Variants in PLOD1 observed in about 807,000 individuals in gnomAD.
PLOD1 encodes procollagen-lysine,2-oxoglutarate 5-dioxygenase 1.
A neutral mutation model predicts 94.7 loss-of-function variants in PLOD1; 70 were observed. The observed-to-expected ratio is 0.74, with a 90% CI of 0.61 to 0.90. PLOD1 has a LOEUF of 0.90. PLOD1 is among the 40% of genes least tolerant of loss of function. The pLI, the probability that PLOD1 is intolerant of heterozygous loss-of-function variation, is 0.00. For synonymous variants in PLOD1, 417 were observed against 400.2 expected, an observed-to-expected ratio of 1.04 and a Z score of -0.50; for missense variants, 905 against 972.7, an observed-to-expected ratio of 0.93 and a Z score of 0.93.
intron 1 of PLOD1, among the ~76,000 whole-genome samples, chr1:11,935,561 G>A (rs945045107): frequency 1.3e-5 from 2 of 150,674 alleles, no homozygotes; most frequent in South Asian, 2.1e-4. Flanking sequence ...TTGCTCTGTC[G>A]CCCAGGCTGG....
Position 11,966,315 on chromosome 1 carries a change from C to G in PLOD1, c.1649C>G (p.Thr550Arg). The change falls in exon 15 of 19, where the codon ACG becomes AGG. Residue 550 changes from threonine (T) to arginine (R), a missense_variant and splice_region_variant. Thr to Arg is a moderately conservative substitution (Grantham distance 71). Transcript: ENST00000196061. ...GCCCTGGCAGGGAAGCTGGTGGAGA[C>G]GGTAAGGGCCATGGACACCCTCTTG... ...TKALAGKLVE[T>R]PCPDVYWFPI... The G allele has an allele frequency of 1.9e-6, 3 of 1,601,750 alleles. No homozygotes were observed. The highest frequency in any genetic ancestry group is 2.2e-5 in the South Asian group (2 of 89,382).
chr1:11,964,162 T>C lies in PLOD1; in HGVS notation c.1203-13T>C, dbSNP rs769083669. 1 of 1,613,556 alleles carries C rather than the reference T, an allele frequency of 6.2e-7. No individual in the cohort carries two copies. Among genetic ancestry groups the C allele is most frequent in the Non-Finnish European group, 8.5e-7 (1 of 1,179,732 alleles). Reference sequence around the variant, plus strand: ...GGGCAGCGACCTCCTACTGAGGTGCTCCCTTCCCTCAGGAACGTCATTGCC... The same window carrying C: ...GGGCAGCGACCTCCTACTGAGGTGCCCCCTTCCCTCAGGAACGTCATTGCC... On this transcript the variant is annotated splice_polypyrimidine_tract_variant and intron_variant, in intron 11 of 18. Transcript: ENST00000196061.
At position 11,970,576 on chromosome 1, in the gene PLOD1, T is replaced by A. The variant is rs572694846; in HGVS notation, c.1756-94T>A. 103 of 1,151,008 alleles carry A rather than the reference T, an allele frequency of 8.9e-5. No homozygotes were observed. In the Admixed American group the frequency reaches 1.5e-3, roughly 17 times the overall value. 71.3% of individuals were successfully genotyped at this position (1,151,008 alleles called of 1,614,324 possible). ...TGTTCAGTTTTGTCATGTAATGTGG[T>A]CCGGTCACATTCCCGGGTGTAGGAG... On this transcript the variant is annotated intron_variant, in intron 16 of 18. Coordinates refer to ENST00000196061, the MANE Select transcript of PLOD1 (RefSeq NM_000302.4).
intron 1 of PLOD1, among the ~76,000 whole-genome samples, chr1:11,945,499 C>A (rs1645646993): frequency 6.6e-6 from 1 of 151,804 alleles, no homozygotes; most frequent in Admixed American, 6.6e-5. Flanking sequence ...ATGGGAGGTC[C>A]CTTGCATGGG....
intron 1 of PLOD1, among the ~76,000 whole-genome samples, chr1:11,936,353 G>A (rs532188864): frequency 5.9e-5 from 9 of 151,402 alleles, no homozygotes; most frequent in African/African-American, 9.7e-5. Flanking sequence ...GGGCTGTCCC[G>A]AGAAGGGCAT....
intron 1 of PLOD1, among the ~76,000 whole-genome samples, chr1:11,937,500 G>C (rs1257446013): frequency 6.6e-6 from 1 of 152,192 alleles, no homozygotes; most frequent in African/African-American, 2.4e-5. Flanking sequence ...CCCCTCACTG[G>C]CCAGGAGCCC....
rs1645751599 is a variant in PLOD1 at position 11,958,017 on chromosome 1, C to G, written c.843+74C>G. ...CCCTGAGATGGCGAGATGGGTGATT[C>G]TGGAATAGACTCCATTGTCTTTGGT... is the stretch of plus-strand genomic sequence containing the variant. On this transcript the variant is annotated intron_variant, in intron 8 of 18. Transcript: ENST00000196061. This position sits in a 1 kb window ranked among gnomAD's most constrained non-coding sequence, Gnocchi z 4.3. 2.1e-6 allele frequency: 2 copies of G among 949,470 alleles called. No homozygotes were observed. The highest frequency in any genetic ancestry group is 3.4e-5 in the Admixed American group (2 of 58,276). The allele number at this position is 949,470 out of a possible 1,614,324, so 58.8% of individuals were successfully genotyped here. A position where few individuals can be genotyped will look rare whatever the true frequency, so the allele number is the denominator to read the frequency against.
At position 11,972,641 on chromosome 1, in the gene PLOD1, C is replaced by T. The variant is rs1214759414; in HGVS notation, c.1903-231C>T. On this transcript the variant is annotated intron_variant, in intron 17 of 18. Transcript: ENST00000196061. The surrounding 1 kb of genome is among the most constrained non-coding windows in gnomAD (Gnocchi z 4.6). ...TCCCTCCCTTCCTTTCTTCCTTCCCCTCTGTTCTCTTCCTTCCCTCCCTCT... is the reference window on the plus strand; with the variant it reads ...TCCCTCCCTTCCTTTCTTCCTTCCCTTCTGTTCTCTTCCTTCCCTCCCTCT... 2.0e-6 allele frequency: 1 copy of T among 509,914 alleles called. No individual in the cohort carries two copies. The highest frequency in any genetic ancestry group is 3.6e-6 in the Non-Finnish European group (1 of 278,626). 31.6% of individuals were successfully genotyped at this position (509,914 alleles called of 1,614,324 possible). A position where few individuals can be genotyped will look rare whatever the true frequency, so the allele number is the denominator to read the frequency against.
intron 1 of PLOD1, among the ~76,000 whole-genome samples, chr1:11,939,624 T>A (rs1270167650): frequency 2.0e-5 from 3 of 152,130 alleles, no homozygotes; most frequent in African/African-American, 7.2e-5. Flanking sequence ...TTCTTTTTCT[T>A]TTTTTGAGAT....
Position 11,957,927 on chromosome 1 carries a change from G to C in PLOD1, c.827G>C (p.Ser276Thr). Residue 276 changes from serine (S) to threonine (T), a missense_variant, in exon 8 of 19, where the codon AGC becomes ACC. Transcript: ENST00000196061. The surrounding 1 kb of genome is among the most constrained non-coding windows in gnomAD (Gnocchi z 4.1). ...GCTVCDEGLRSLKGIGDEALP... is the reference protein window; with the variant it reads ...GCTVCDEGLRTLKGIGDEALP... ...ACCGTGTGTGACGAAGGCTTGCGCA[G>C]CCTCAAGGGCATTGGGGTGAGGCTG... 1.9e-6 allele frequency: 3 copies of C among 1,612,834 alleles called. No individual in the cohort carries two copies. Among genetic ancestry groups the C allele is most frequent in the Non-Finnish European group, 2.5e-6 (3 of 1,178,826 alleles).
intron 1 of PLOD1, among the ~76,000 whole-genome samples, chr1:11,939,950 G>A (rs1293792114): frequency 6.6e-6 from 1 of 151,990 alleles, no homozygotes; most frequent in Non-Finnish European, 1.5e-5. Context: ...TTTTTGTACA[G>A]ACAGGGTCTC....
intron 9 of PLOD1, among the ~76,000 whole-genome samples, chr1:11,959,350 T>C (rs1645762059): frequency 6.6e-6 from 1 of 152,140 alleles, no homozygotes; most frequent in Non-Finnish European, 1.5e-5. Context: ...ATCTAGTTGC[T>C]TCTAACTGTT....
At chr1:11,964,872 G>A (rs1004224805) in intron 13 of PLOD1, 87 bp downstream of exon 13, 27 of 1,407,428 alleles carry the variant, frequency 1.9e-5, no homozygotes, top group Non-Finnish European at 2.6e-5. Flanking sequence ...ATGGTGGGCC[G>A]CCTTGTCACC....
At chr1:11,962,009 A>G (rs1032188940) in intron 10 of PLOD1, among the ~76,000 whole-genome samples, 1 of 152,092 alleles carries the variant, frequency 6.6e-6, no homozygotes, top group Non-Finnish European at 1.5e-5. Flanking sequence ...GGCCTGTCTC[A>G]AGCTCCCGAA....
chr1:11,944,696 T>C (rs1323287632), intron 1 of PLOD1: 1 of 1,284,910 alleles, frequency 7.8e-7, no homozygotes, highest in Non-Finnish European at 1.0e-6. Context: ...ACCTGCCTGG[T>C]GTATCCACCC....
rs1405587080 is a variant in PLOD1 at position 11,970,738 on chromosome 1, T to G, written c.1824T>G (p.Phe608Leu). The G allele has an allele frequency of 6.2e-7, 1 of 1,612,412 alleles. No individual in the cohort carries two copies. The highest frequency in any genetic ancestry group is 8.5e-7 in the Non-Finnish European group (1 of 1,179,794). The change falls in exon 17 of 19, where the codon TTT (phenylalanine) becomes TTG (leucine). Residue 608 changes from phenylalanine to leucine, a missense_variant. Coordinates refer to ENST00000196061, the MANE Select transcript of PLOD1 (RefSeq NM_000302.4). ...TIDIHMNQIG[F>L]EREWHKFLLE... ...ACATCCACATGAACCAGATCGGCTT[T>G]GAGCGGGAGTGGCACAAATTCCTGC...
At chr1:11,964,512 G>GC (rs1645801766) in intron 12 of PLOD1, 132 bp from the exon 13 acceptor site, 2 of 948,330 alleles carry the variant, frequency 2.1e-6, no homozygotes, top group Non-Finnish European at 1.7e-6. Flanking sequence ...GCACAATTGT[G>GC]CCCCCCTAGC....
chr1:11,954,704 C>G (rs771521338), intron 5 of PLOD1, 126 bp from the exon 6 acceptor site: 1 of 810,422 alleles, frequency 1.2e-6, no homozygotes, highest in South Asian at 1.3e-5. Context: ...CCTGATGTGA[C>G]GTGGCAGAGT....
chr1:11,966,242 T>G lies in PLOD1; in HGVS notation c.1585-9T>G, dbSNP rs1353873660. ...GTGAGGACCCTAGCCTGCTTCCCAC[T>G]TCCCACAGGACTGGAAGGAGAAGTA... On this transcript the variant is annotated splice_polypyrimidine_tract_variant and intron_variant, in intron 14 of 18. Coordinates refer to ENST00000196061, the MANE Select transcript of PLOD1 (RefSeq NM_000302.4). 6 of 1,602,266 alleles carry G rather than the reference T, an allele frequency of 3.7e-6. No individual in the cohort carries two copies. The South Asian group carries it at 6.7e-5, about 18-fold the overall frequency.
Sources: allele counts gnomAD v4.1 joint callset (sites outside exome capture counted in the v4.1 genomes callset), GRCh38; gene constraint gnomAD v4.1.1; non-coding constraint Gnocchi (gnomAD v3.1); transcripts MANE v1.5; gene names NCBI Gene and HGNC (gene_info 2026-07-23, HGNC 2026-07-21).